RBBP7: variants seen among roughly 807,000 people sequenced by gnomAD.
RBBP7 encodes RB binding protein 7, chromatin remodeling factor, also known as histone-binding protein RBBP7.
RBBP7 carries 5 observed loss-of-function variants against 35.2 expected under a neutral mutation model. The ratio of observed to expected loss-of-function variants is 0.14; its 90% CI spans 0.07 to 0.30. The LOEUF is 0.30. Among genes scored for constraint, RBBP7 ranks in the 10% least tolerant of loss-of-function variants. RBBP7 has a pLI of 1.00. For missense variants in RBBP7, 155 were observed against 327.5 expected (o/e 0.47, Z 4.07); for synonymous variants, 140 against 118.7 (o/e 1.18, Z -1.17).
chrX:16,856,889 A>G (rs757217322), intron 5 of RBBP7, among the ~76,000 whole-genome samples: 5 of 112,249 alleles, frequency 4.5e-5, no homozygotes, highest in Non-Finnish European at 9.4e-5. Context: ...AAATAGCCCC[A>G]AAGTAGAAAG....
chrX:16,869,751 G>T, intron 1 of RBBP7: 2 of 970,296 alleles, frequency 2.1e-6, no homozygotes, highest in South Asian at 4.5e-5. Context: ...GGCGGGGGCC[G>T]CCTCCGCCCC....
chrX:16,857,520 T>C, intron 5 of RBBP7, 74 bp downstream of exon 5: 2 of 1,187,579 alleles, frequency 1.7e-6, no homozygotes, highest in South Asian at 3.8e-5. Context: ...TTCATCTATA[T>C]AGTACTCCTT....
intron 3 of RBBP7, among the ~76,000 whole-genome samples, chrX:16,862,056 A>C (rs1245700384): frequency 9.0e-6 from 1 of 111,451 alleles, no homozygotes; most frequent in Non-Finnish European, 1.9e-5. Flanking sequence ...CCCCCAAGAA[A>C]GCCTCAGACC....
chrX:16,861,818 G>C (rs966851710), intron 3 of RBBP7, among the ~76,000 whole-genome samples: 2 of 111,812 alleles, frequency 1.8e-5, no homozygotes, highest in Non-Finnish European at 3.8e-5. Context: ...TAACTCCTGG[G>C]AACATGCACC....
intron 3 of RBBP7, among the ~76,000 whole-genome samples, chrX:16,860,668 C>T (rs1930451029): frequency 1.1e-5 from 1 of 92,419 alleles, no homozygotes; most frequent in Non-Finnish European, 2.1e-5. Context: ...AGCGAAACTT[C>T]GTCTCGAAAA....
intron 2 of RBBP7, among the ~76,000 whole-genome samples, chrX:16,864,222 T>C (rs975764498): frequency 1.6e-4 from 18 of 110,316 alleles, no homozygotes; most frequent in Non-Finnish European, 2.7e-4. Flanking sequence ...AATAGCAACG[T>C]GTTTGAAAAA....
intron 5 of RBBP7, among the ~76,000 whole-genome samples, chrX:16,854,696 G>T (rs1286350110): frequency 9.1e-6 from 1 of 109,410 alleles, no homozygotes; most frequent in Non-Finnish European, 1.9e-5. Context: ...GAGAGGTCAA[G>T]GCCTGGCGCC....
intron 1 of RBBP7, chrX:16,869,523 G>T: frequency 8.6e-7 from 1 of 1,167,152 alleles, no homozygotes; most frequent in Non-Finnish European, 1.1e-6. Context: ...TGTACGTACA[G>T]GGGCTGCGCG....
chrX:16,862,864 GC>G, intron 3 of RBBP7, 90 bp downstream of exon 3: 1 of 990,808 alleles, frequency 1.0e-6, no homozygotes, highest in Non-Finnish European at 1.4e-6. Context: ...AAATTACTGG[GC>G]CAAAAGCTAA....
chrX:16,861,815 T>C (rs1261461964), intron 3 of RBBP7, among the ~76,000 whole-genome samples: 1 of 111,975 alleles, frequency 8.9e-6, no homozygotes, highest in Non-Finnish European at 1.9e-5. Flanking sequence ...GGCTAACTCC[T>C]GGGAACATGC....
intron 2 of RBBP7, among the ~76,000 whole-genome samples, chrX:16,865,159 C>T (rs1051540342): frequency 3.4e-4 from 36 of 107,072 alleles, no homozygotes; most frequent in South Asian, 8.0e-4. Context: ...CCAAGGCAAG[C>T]GGATTGCTTG....
At position 16,865,839 on chromosome X, in the gene RBBP7, C is replaced by T. The variant is rs1373009622; in HGVS notation, c.162-2739G>A. Among the ~76,000 whole-genome samples, 3 of 112,406 alleles carry T rather than the reference C, an allele frequency of 2.7e-5. No homozygotes were observed. The East Asian group carries it at 8.3e-4, about 31-fold the overall frequency. ...CCATCAGCAAGGAACTGGTATCATA[C>T]ATTACACAGTGTATCCATAAACAAA... is the stretch of plus-strand genomic sequence containing the variant. On this transcript the variant is annotated intron_variant, in intron 2 of 11. Transcript: ENST00000380087.
At chrX:16,847,455 AG>A (rs1930108667) in intron 10 of RBBP7, 5 of 109,478 alleles carry the variant, frequency 4.6e-5, no homozygotes, top group African/African-American at 1.7e-4. Flanking sequence ...TGGGCGACAG[AG>A]AGAGTACTCT....
At position 16,858,883 on chromosome X, in the gene RBBP7, A is replaced by T. The variant is rs771760981; in HGVS notation, c.308-34T>A. On this transcript the variant is annotated intron_variant, in intron 3 of 11. Coordinates refer to ENST00000380087, the MANE Select transcript of RBBP7 (RefSeq NM_002893.4). ...AGGAGAAAGAAACACACACACACAC[A>T]CTCAGGATTAAAATTCACAAATCAC... is the stretch of plus-strand genomic sequence containing the variant. 81 of 1,189,099 alleles carry T rather than the reference A, an allele frequency of 6.8e-5. No homozygotes were observed. In the Admixed American group the frequency reaches 1.8e-3, roughly 26 times the overall value.
chrX:16,868,979 G>T, intron 2 of RBBP7, 97 bp downstream of exon 2: 2 of 952,598 alleles, frequency 2.1e-6, no homozygotes, highest in South Asian at 2.5e-5. Flanking sequence ...TGCAAGGGCT[G>T]ATTACATACT....
At position 16,870,301 on chromosome X, in the gene RBBP7, C is replaced by A; in HGVS notation, c.-248G>T. On this transcript the variant is annotated 5_prime_UTR_variant, in exon 1 of 12. An upstream open reading frame in the 5' UTR gains an earlier in-frame stop. Transcript: ENST00000380087. ...TCTCCAAACTTGGAACGAGACTTTT[C>A]AACCCGCGCCTCCCAGCCCGCCCAG... The A allele has an allele frequency of 3.7e-6, 1 of 269,911 alleles. No individual in the cohort carries two copies. The highest frequency in any genetic ancestry group is 1.0e-4 in the East Asian group (1 of 10,025). 22.2% of individuals were successfully genotyped at this position (269,911 alleles called of 1,213,427 possible). A position where few individuals can be genotyped will look rare whatever the true frequency, so the allele number is the denominator to read the frequency against.
chrX:16,860,464 G>A (rs967147637), intron 3 of RBBP7, among the ~76,000 whole-genome samples: 5 of 110,309 alleles, frequency 4.5e-5, no homozygotes, highest in Non-Finnish European at 9.5e-5. Flanking sequence ...CAAGGCGTGC[G>A]GATCATGAGG....
chrX:16,866,896 CATCCCACAACCCA>C (rs1283190761), intron 2 of RBBP7, among the ~76,000 whole-genome samples: 1 of 111,727 alleles, frequency 9.0e-6, no homozygotes, highest in Non-Finnish European at 1.9e-5. Flanking sequence ...AGCCACTGCA[CATCCCACAACCCA>C]ATCCCACAAC....
chrX:16,847,882 A>G (rs1450730433), intron 10 of RBBP7: 2 of 111,191 alleles, frequency 1.8e-5, no homozygotes, highest in African/African-American at 6.6e-5. Context: ...TACTACTCTC[A>G]AATGTCCCTT....
Sources: allele counts gnomAD v4.1 joint callset (sites outside exome capture counted in the v4.1 genomes callset), GRCh38; gene constraint gnomAD v4.1.1; transcripts MANE v1.5; gene names NCBI Gene and HGNC (gene_info 2026-07-23, HGNC 2026-07-21).